Variants in DNAH2 observed in about 807,000 individuals in gnomAD.
DNAH2 encodes the protein dynein axonemal heavy chain 2.
In DNAH2, 323 loss-of-function variants were observed where a neutral mutation model predicts 523.5. The ratio of observed to expected loss-of-function variants is 0.62; its 90% CI spans 0.56 to 0.68. The LOEUF is 0.68. Ranked by LOEUF, DNAH2 falls within the 30% of genes least tolerant of loss-of-function variation. The pLI is 0.00. For missense variants in DNAH2, 4,907 were observed against 5,701.5 expected (o/e 0.86, Z 4.49); for synonymous variants, 2,093 against 2,177.4 (o/e 0.96, Z 1.08).
At position 7,733,127 on chromosome 17, in the gene DNAH2, T is replaced by C; in HGVS notation, c.440T>C (p.Val147Ala). ...GTCTACTTCATTCGCCAAGCACCAGTTCCCATCACCTGGGAGAACTTCGAG... is the reference window on the plus strand; with the variant it reads ...GTCTACTTCATTCGCCAAGCACCAGCTCCCATCACCTGGGAGAACTTCGAG... ...QLVYFIRQAP[V>A]PITWENFEAT... is the part of the protein sequence containing the mutation. Residue 147 changes from valine (V) to alanine (A), a missense_variant, in exon 5 of 86, where the codon GTT becomes GCT. Val to Ala is a moderately conservative substitution (Grantham distance 64). Coordinates refer to ENST00000572933, the MANE Select transcript of DNAH2 (RefSeq NM_020877.5). 6.2e-7 allele frequency: 1 copy of C among 1,614,176 alleles called. No homozygotes were observed. Among genetic ancestry groups the C allele is most frequent in the Non-Finnish European group, 8.5e-7 (1 of 1,180,040 alleles).
chr17:7,805,719 T>C (rs916939961), intron 61 of DNAH2, among the ~76,000 whole-genome samples: 2 of 152,050 alleles, frequency 1.3e-5, no homozygotes, highest in African/African-American at 2.4e-5. Context: ...CTGGGCATGA[T>C]GGTGCATGCC....
intron 4 of DNAH2, among the ~76,000 whole-genome samples, chr17:7,732,747 T>C (rs562289152): frequency 1.8e-3 from 279 of 152,290 alleles, no homozygotes; most frequent in African/African-American, 6.0e-3. Context: ...TTGGCTGAAG[T>C]GCTTCCTCCA....
intron 13 of DNAH2, 22 bp downstream of exon 13, chr17:7,757,259 C>T (rs1452743668): frequency 2.5e-6 from 4 of 1,610,240 alleles, no homozygotes; most frequent in Non-Finnish European, 2.5e-6. Flanking sequence ...GTCCTCACTG[C>T]AGCCCTTCAA....
chr17:7,831,451 C>T lies in DNAH2; in HGVS notation c.12521C>T (p.Thr4174Ile). The part of the protein sequence containing the change: ...KIPEMIDYEG[T>I]QKLLALDPSP... ...CCTGAAATGATCGACTATGAGGGGA[C>T]TCAAAAACTGCTAGCTCTCGACCCC... Residue 4174 changes from threonine to isoleucine, a missense_variant, in exon 81 of 86, where the codon ACT becomes ATT. Thr to Ile is a moderately conservative substitution (Grantham distance 89). Around this residue, in one of 3 missense-constraint regions of DNAH2, gnomAD observed 1,851 missense variants for 2,139.4 expected, o/e 0.87. Coordinates refer to ENST00000572933, the MANE Select transcript of DNAH2 (RefSeq NM_020877.5). This position sits in a 1 kb window ranked among gnomAD's most constrained non-coding sequence, Gnocchi z 4.2. 2 of 1,614,104 alleles carry T rather than the reference C, an allele frequency of 1.2e-6. No homozygotes were observed. The highest frequency in any genetic ancestry group is 1.6e-4 in the Middle Eastern group (1 of 6,062).
At position 7,830,862 on chromosome 17, in the gene DNAH2, G is replaced by C. The variant is rs766580372; in HGVS notation, c.12230+20G>C. 9 of 1,613,400 alleles carry C rather than the reference G, an allele frequency of 5.6e-6. No homozygotes were observed. The highest frequency in any genetic ancestry group is 7.6e-6 in the Non-Finnish European group (9 of 1,179,752). ...CCACCGGTGAGGGGGAGGTGGCCCT[G>C]GACAGGGAGCCAGAGGTCACAAGTC... On this transcript the variant is annotated intron_variant, in intron 79 of 85. Transcript: ENST00000572933.
intron 32 of DNAH2, 36 bp from the exon 33 acceptor site, chr17:7,777,410 T>C (rs2076485438): frequency 1.2e-6 from 2 of 1,612,122 alleles, no homozygotes; most frequent in Admixed American, 1.7e-5. Context: ...GCGGCATTGC[T>C]CTGTCTGCTC....
Position 7,740,785 on chromosome 17 carries a change from C to A in DNAH2, c.1507-25C>A, listed in dbSNP as rs1267189571. On this transcript the variant is annotated intron_variant, in intron 10 of 85. Transcript: ENST00000572933. ...GGAACCCGCCTTCCCGGGCACGTCG[C>A]CAGCCTCTTCCTCTTCTTCCCTAGG... 4 of 1,591,134 alleles carry A rather than the reference C, an allele frequency of 2.5e-6. No homozygotes were observed. In the African/African-American group the frequency reaches 4.0e-5, roughly 16 times the overall value.
intron 35 of DNAH2, among the ~76,000 whole-genome samples, chr17:7,778,814 C>A (rs2076528610): frequency 6.6e-6 from 1 of 152,184 alleles, no homozygotes; most frequent in African/African-American, 2.4e-5. Flanking sequence ...GGTGATCCAC[C>A]TGTCTTGGCC....
At chr17:7,822,856 T>C (rs754492994) in intron 73 of DNAH2, among the ~76,000 whole-genome samples, 4 of 152,082 alleles carry the variant, frequency 2.6e-5, no homozygotes, top group Non-Finnish European at 5.9e-5. Context: ...CAACCAGTCA[T>C]TAGGTTGGAG....
chr17:7,776,980 T>G, intron 32 of DNAH2, 91 bp downstream of exon 32: 1 of 1,063,756 alleles, frequency 9.4e-7, no homozygotes. Context: ...GCCCAGGAGT[T>G]CGAGACCAGC....
chr17:7,787,793 T>A, intron 42 of DNAH2, 67 bp from the exon 43 acceptor site: 1 of 1,228,314 alleles, frequency 8.1e-7, no homozygotes, highest in Non-Finnish European at 1.1e-6. Context: ...GAGTTCCGGG[T>A]GTTTTATTAT....
chr17:7,733,371 C>G (rs1237759376), intron 5 of DNAH2, 56 bp downstream of exon 5: 11 of 1,562,800 alleles, frequency 7.0e-6, no homozygotes, highest in Non-Finnish European at 9.6e-6. Context: ...AACTGTACAA[C>G]TAGTGAAGTG....
chr17:7,760,994 C>T lies in DNAH2; in HGVS notation c.2978+62C>T, dbSNP rs1257933327. 7 of 1,588,482 alleles carry T rather than the reference C, an allele frequency of 4.4e-6. No individual in the cohort carries two copies. The East Asian group carries it at 8.9e-5, about 20-fold the overall frequency. ...GAGGCACAGCACTGCAGGAGGAGCC[C>T]AGGCCTAGAGTCTTGGGAAGTGGGT... On this transcript the variant is annotated intron_variant, in intron 18 of 85. Coordinates refer to ENST00000572933, the MANE Select transcript of DNAH2 (RefSeq NM_020877.5). The surrounding 1 kb of genome is among the most constrained non-coding windows in gnomAD (Gnocchi z 4.0).
chr17:7,755,261 G>C (rs2075804810), intron 12 of DNAH2, among the ~76,000 whole-genome samples: 1 of 151,264 alleles, frequency 6.6e-6, no homozygotes, highest in Non-Finnish European at 1.5e-5. Flanking sequence ...TTAGGGAACA[G>C]GGATGCAGCC....
intron 18 of DNAH2, among the ~76,000 whole-genome samples, chr17:7,763,482 T>C (rs1368507164): frequency 6.6e-6 from 1 of 152,110 alleles, no homozygotes; most frequent in Non-Finnish European, 1.5e-5. Context: ...GGTTTCACCA[T>C]GTTGGCTAGG....
At position 7,764,192 on chromosome 17, in the gene DNAH2, G is replaced by T. The variant is rs1314280947; in HGVS notation, c.3255G>T (p.Leu1085Phe). 2 of 1,614,052 alleles carry T rather than the reference G, an allele frequency of 1.2e-6. No homozygotes were observed. Among genetic ancestry groups the T allele is most frequent in the Non-Finnish European group, 1.7e-6 (2 of 1,180,026 alleles). ...TCGTGGATGCCCTGAAGCACGACTT[G>T]GCCAACGTGGAGACTCAGATCCCTC... ...LQLVDALKHD[L>F]ANVETQIPPI... Residue 1085 changes from leucine (L) to phenylalanine (F), a missense_variant, in exon 20 of 86, where the codon TTG becomes TTT. This residue lies in a region of DNAH2 where 2,806 missense variants were observed against 3,190.8 expected (regional missense o/e 0.88). Transcript: ENST00000572933.
At chr17:7,743,245 T>G in intron 12 of DNAH2, 103 bp downstream of exon 12, 2 of 1,220,730 alleles carry the variant, frequency 1.6e-6, no homozygotes, top group Non-Finnish European at 2.4e-6. Flanking sequence ...TTCTCTCTCT[T>G]TCTCATACAA....
At chr17:7,812,200 C>T (rs1300016197) in intron 63 of DNAH2, among the ~76,000 whole-genome samples, 1 of 152,180 alleles carries the variant, frequency 6.6e-6, no homozygotes, top group Non-Finnish European at 1.5e-5. Flanking sequence ...ATAAGAGATA[C>T]AATCTAACCA....
chr17:7,793,433 TTTTCTTTCTTTCTTTTTC>T lies in DNAH2; in HGVS notation c.7569+244_7569+261del, dbSNP rs1415755124. Among the ~76,000 whole-genome samples, 155 of 102,716 alleles carry T rather than the reference TTTTCTTTCTTTCTTTTTC, an allele frequency of 1.5e-3. 2 individuals carry two copies. Among genetic ancestry groups the T allele is most frequent in the African/African-American group, 4.6e-3 (148 of 32,164 alleles). 67.4% of individuals were successfully genotyped at this position (102,716 alleles called of 152,430 possible). A position where few individuals can be genotyped will look rare whatever the true frequency, so the allele number is the denominator to read the frequency against. On this transcript the variant is annotated intron_variant, in intron 48 of 85. Coordinates refer to ENST00000572933, the MANE Select transcript of DNAH2 (RefSeq NM_020877.5). ...TGAGCATATTGTTTGCCTGCTTGCT[TTTTCTTTCTTTCTTTTTC>T]TTTCTTTCTTTCTTTCTTTCTTTCT...
Sources: allele counts gnomAD v4.1 joint callset (sites outside exome capture counted in the v4.1 genomes callset), GRCh38; gene constraint gnomAD v4.1.1; regional missense constraint gnomAD v4.1.1; non-coding constraint Gnocchi (gnomAD v3.1); transcripts MANE v1.5; gene names NCBI Gene and HGNC (gene_info 2026-07-23, HGNC 2026-07-21).